The following GYG1 variants were observed in gnomAD, a reference collection of about 807,000 sequenced individuals.
GYG1 encodes the protein glycogenin 1.
A neutral mutation model predicts 41.9 loss-of-function variants in GYG1; 44 were observed. The observed-to-expected ratio is 1.05, with a 90% CI of 0.83 to 1.35. The LOEUF (loss-of-function observed/expected upper bound fraction) is 1.35, where lower values mean the gene tolerates loss of function less well. Ranked by LOEUF, GYG1 falls within the 40% of genes most tolerant of loss-of-function variation. The probability of loss-of-function intolerance (pLI) is 0.00; values close to 1 mark genes in which losing one functional copy is unlikely to be tolerated. For synonymous variants in GYG1, 141 were observed against 158.1 expected, an observed-to-expected ratio of 0.89 and a Z score of 0.81; for missense variants, 429 against 418.9, an observed-to-expected ratio of 1.02 and a Z score of -0.21.
At chr3:149,021,450 C>T (rs746312568) in intron 5 of GYG1, among the ~76,000 whole-genome samples, 7 of 152,046 alleles carry the variant, frequency 4.6e-5, no homozygotes, top group Non-Finnish European at 7.4e-5. Context: ...AGAAACAAAC[C>T]GTGGAATGAT....
intron 4 of GYG1, among the ~76,000 whole-genome samples, chr3:148,997,578 TAGTA>T (rs1026949176): frequency 2.2e-4 from 34 of 152,194 alleles, no homozygotes; most frequent in African/African-American, 6.3e-4. Flanking sequence ...TCAAATGAAT[TAGTA>T]AGTGTGCTTT....
chr3:149,003,763 A>G (rs1358381573), intron 4 of GYG1, among the ~76,000 whole-genome samples: 1 of 152,080 alleles, frequency 6.6e-6, no homozygotes, highest in African/African-American at 2.4e-5. Flanking sequence ...GAGGAGCACT[A>G]TTATAGGGGG....
At chr3:149,013,874 A>C (rs963368239) in intron 5 of GYG1, among the ~76,000 whole-genome samples, 1 of 152,096 alleles carries the variant, frequency 6.6e-6, no homozygotes, top group Non-Finnish European at 1.5e-5. Flanking sequence ...ACACTCATAC[A>C]TATTCACTCA....
At position 149,009,521 on chromosome 3, in the gene GYG1, A is replaced by C; in HGVS notation, c.608+119A>C. ...AATAACAGATAGACACTTTGAGGAAAGTTTCTCTTGTAAGAACCGTGGCTG... is the reference window on the plus strand; with the variant it reads ...AATAACAGATAGACACTTTGAGGAACGTTTCTCTTGTAAGAACCGTGGCTG... On this transcript the variant is annotated intron_variant, in intron 5 of 7. Transcript: ENST00000345003. The C allele has an allele frequency of 2.9e-6, 3 of 1,047,766 alleles. No individual in the cohort carries two copies. The South Asian group carries it at 3.8e-5, about 13-fold the overall frequency. The allele number at this position is 1,047,766 out of a possible 1,614,324, so 64.9% of individuals were successfully genotyped here.
chr3:149,029,017 A>G lies in GYG1; in HGVS notation c.*2084A>G, dbSNP rs1335679870. ...CAGGCGTGAGCCACTGCACCCAGCA[A>G]ATTTTTAAATTTCAAATAAGTAGTG... On this transcript the variant is annotated 3_prime_UTR_variant, in exon 8 of 8. Coordinates refer to ENST00000345003, the MANE Select transcript of GYG1 (RefSeq NM_004130.4). 6.6e-6 allele frequency among the ~76,000 whole-genome samples: 1 copy of G among 152,210 alleles called. No homozygotes were observed. Among genetic ancestry groups the G allele is most frequent in the Admixed American group, 6.5e-5 (1 of 15,276 alleles).
chr3:149,028,705 A>ATTTTTTT lies in GYG1; in HGVS notation c.*1789_*1795dup, dbSNP rs71617496. Among the ~76,000 whole-genome samples the ATTTTTTT allele has an allele frequency of 5.2e-5, 7 of 133,718 alleles. No homozygotes were observed. Among genetic ancestry groups the ATTTTTTT allele is most frequent in the Non-Finnish European group, 1.1e-4 (7 of 63,390 alleles). The allele number at this position is 133,718 out of a possible 152,430, so 87.7% of individuals were successfully genotyped here. On this transcript the variant is annotated 3_prime_UTR_variant, in exon 8 of 8. Transcript: ENST00000345003. ...GGTGGAAAAGCTGACATAGTTTTAA[A>ATTTTTTT]TTTTTTTTTTTTTTTTTTTTTTTCT...
chr3:149,020,694 TTTAAC>T (rs547160778), intron 5 of GYG1, among the ~76,000 whole-genome samples: 170 of 152,374 alleles, frequency 1.1e-3, no homozygotes, highest in African/African-American at 4.0e-3. Context: ...ATATTCATGT[TTTAAC>T]TTATTTTAAT....
chr3:149,001,517 A>G (rs1294165994), intron 4 of GYG1: 1 of 152,224 alleles, frequency 6.6e-6, no homozygotes, highest in Non-Finnish European at 1.5e-5. Flanking sequence ...GGAAGGGACT[A>G]ATGTGTTATA....
chr3:148,991,728 C>A, intron 1 of GYG1, 81 bp downstream of exon 1: 1 of 1,169,752 alleles, frequency 8.5e-7, no homozygotes, highest in Non-Finnish European at 1.2e-6. Flanking sequence ...CCTCCGCCCT[C>A]AGCCCCGGAG....
At chr3:149,026,093 C>T (rs113253513) in intron 6 of GYG1, among the ~76,000 whole-genome samples, 121 of 152,268 alleles carry the variant, frequency 7.9e-4, no homozygotes, top group African/African-American at 2.7e-3. Flanking sequence ...TACCTATATG[C>T]TTACGTATAT....
chr3:148,992,160 G>T (rs546520888), intron 1 of GYG1, among the ~76,000 whole-genome samples: 42 of 152,386 alleles, frequency 2.8e-4, no homozygotes, highest in African/African-American at 9.9e-4. Context: ...CCTATTTTTA[G>T]GCCTTTGGGG....
At chr3:149,008,564 C>T (rs945541874) in intron 4 of GYG1, among the ~76,000 whole-genome samples, 5 of 152,236 alleles carry the variant, frequency 3.3e-5, no homozygotes, top group Non-Finnish European at 7.3e-5. Context: ...AGCCTTCCTT[C>T]GCCCATCAGA....
intron 4 of GYG1, among the ~76,000 whole-genome samples, chr3:149,006,080 CTTTTTT>C (rs34268321): frequency 6.8e-5 from 8 of 117,224 alleles, no homozygotes; most frequent in Non-Finnish European, 1.4e-4. Context: ...TCATCATATT[CTTTTTT>C]TTTTTTTTTT....
At chr3:148,995,752 C>T (rs189256464) in intron 2 of GYG1, among the ~76,000 whole-genome samples, 29 of 152,300 alleles carry the variant, frequency 1.9e-4, no homozygotes, top group East Asian at 1.5e-3. Context: ...CGTTTTTACC[C>T]GTGCTCAGTT....
intron 6 of GYG1, among the ~76,000 whole-genome samples, chr3:149,025,804 T>G (rs1325733583): frequency 6.6e-6 from 1 of 152,148 alleles, no homozygotes; most frequent in African/African-American, 2.4e-5. Context: ...GAAAGTACCT[T>G]TTATGGCAGG....
At chr3:148,993,761 G>C (rs953940307) in intron 1 of GYG1, among the ~76,000 whole-genome samples, 1 of 152,200 alleles carries the variant, frequency 6.6e-6, no homozygotes, top group African/African-American at 2.4e-5. Flanking sequence ...TTTTGTGCTT[G>C]TCTGAAAACA....
intron 4 of GYG1, among the ~76,000 whole-genome samples, chr3:148,997,903 G>T (rs1712899260): frequency 6.6e-6 from 1 of 152,344 alleles, no homozygotes; most frequent in Non-Finnish European, 1.5e-5. Flanking sequence ...CTTTCCAAGA[G>T]TAGATCTGAG....
intron 4 of GYG1, among the ~76,000 whole-genome samples, chr3:149,008,487 C>G (rs1713534947): frequency 6.6e-6 from 1 of 152,210 alleles, no homozygotes; most frequent in Non-Finnish European, 1.5e-5. Flanking sequence ...GTCTTTCCCC[C>G]ATCGGCATTT....
At chr3:149,004,085 T>A (rs1393801174) in intron 4 of GYG1, 1 of 152,144 alleles carries the variant, frequency 6.6e-6, no homozygotes, top group Non-Finnish European at 1.5e-5. Context: ...GGCAGCCGGG[T>A]GGAAGGATGA....
Sources: allele counts gnomAD v4.1 joint callset (sites outside exome capture counted in the v4.1 genomes callset), GRCh38; gene constraint gnomAD v4.1.1; transcripts MANE v1.5; gene names NCBI Gene and HGNC (gene_info 2026-07-23, HGNC 2026-07-21).